POMT2: variants seen among roughly 807,000 people sequenced by gnomAD.
The protein encoded by POMT2 is protein O-mannosyl-transferase 2.
POMT2 carries 75 observed loss-of-function variants against 100.0 expected under a neutral mutation model. The observed-to-expected ratio is 0.75, with a 90% CI of 0.62 to 0.91. The LOEUF (loss-of-function observed/expected upper bound fraction) is 0.91. Among genes scored for constraint, POMT2 ranks in the 40% least tolerant of loss-of-function variants. POMT2 has a pLI of 0.00. For synonymous variants in POMT2, 378 were observed against 374.1 expected (o/e 1.01, Z -0.12); for missense variants, 940 against 955.1 (o/e 0.98, Z 0.21).
Position 77,285,008 on chromosome 14 carries a change from T to C in POMT2, c.1518A>G (p.Pro506=), listed in dbSNP as rs1380319239. The C allele has an allele frequency of 7.4e-6, 12 of 1,613,408 alleles. No homozygotes were observed. The highest frequency in any genetic ancestry group is 1.3e-5 in the African/African-American group (1 of 74,896). ...GWEQLEVTCT[P]YLKETLNSIW... is the part of the protein sequence containing the mutation. ...TGGAGTTGAGGGTTTCTTTCAGGTA[T>C]GGGGTGCAAGTAACTTCCAACTGCT... The change falls in exon 14 of 21, where the codon CCA becomes CCG. Residue 506 remains proline (P), a synonymous_variant. Transcript: ENST00000261534.
chr14:77,320,529 G>C lies in POMT2; in HGVS notation c.153C>G (p.Arg51=). 6.4e-7 allele frequency: 1 copy of C among 1,557,906 alleles called. No homozygotes were observed. The highest frequency in any genetic ancestry group is 8.6e-7 in the Non-Finnish European group (1 of 1,156,942). The change falls in exon 1 of 21, where the codon CGC becomes CGG. Residue 51 remains arginine (R), a synonymous_variant. Transcript: ENST00000261534. ...GGGCCCACCAGCCGACCGCCTCGAA[G>C]CGCCGTGAGCCCCAAGCAGGCCGTT... is the stretch of plus-strand genomic sequence containing the variant. ...SPKRPAWGSR[R]FEAVGWWALL...
At chr14:77,290,742 C>A (rs909574884) in intron 10 of POMT2, among the ~76,000 whole-genome samples, 2 of 152,210 alleles carry the variant, frequency 1.3e-5, no homozygotes, top group East Asian at 1.9e-4. Flanking sequence ...TGCTTCAGAG[C>A]GCCTTCACCC....
chr14:77,284,123 C>T (rs1455983204), intron 14 of POMT2: 1 of 513,768 alleles, frequency 1.9e-6, no homozygotes, highest in African/African-American at 1.9e-5. Context: ...CCAACAGCTC[C>T]CAGCACCATT....
chr14:77,285,770 G>A lies in POMT2; in HGVS notation c.1333-138C>T, dbSNP rs1291542991. 1.1e-5 allele frequency: 11 copies of A among 1,047,512 alleles called. No homozygotes were observed. The East Asian group carries it at 2.1e-4, about 20-fold the overall frequency. The allele number at this position is 1,047,512 out of a possible 1,614,324, so 64.9% of individuals were successfully genotyped here. ...AAATTAGGCTCAATGATAGAGATGG[G>A]CAAGGTTACAAGAAGGCCAAAGAAA... On this transcript the variant is annotated intron_variant, in intron 12 of 20. Coordinates refer to ENST00000261534, the MANE Select transcript of POMT2 (RefSeq NM_013382.7).
Position 77,304,688 on chromosome 14 carries a change from T to C in POMT2, c.547+4A>G. On this transcript the variant is annotated splice_donor_region_variant and intron_variant, in intron 4 of 20. Transcript: ENST00000261534. ...AAAGCCATGGTATGGCTAAGACAAC[T>C]TACCAAAGGTGAGGAGGGCAGCTGT... 1 of 1,578,688 alleles carries C rather than the reference T, an allele frequency of 6.3e-7. No individual in the cohort carries two copies. The highest frequency in any genetic ancestry group is 8.6e-7 in the Non-Finnish European group (1 of 1,162,976).
intron 6 of POMT2, chr14:77,300,837 A>G (rs1008512284): frequency 2.3e-4 from 108 of 477,220 alleles, no homozygotes; most frequent in Non-Finnish European, 3.6e-4. Context: ...AAAAAAAGAC[A>G]GACATTATAA....
At chr14:77,305,981 G>T (rs1160296425) in intron 3 of POMT2, among the ~76,000 whole-genome samples, 1 of 152,222 alleles carries the variant, frequency 6.6e-6, no homozygotes, top group African/African-American at 2.4e-5. Flanking sequence ...GGAGCAGGCA[G>T]CGTGCCAGTG....
At chr14:77,316,549 G>A (rs1566664169) in intron 1 of POMT2, among the ~76,000 whole-genome samples, 3 of 128,272 alleles carry the variant, frequency 2.3e-5, no homozygotes, top group Non-Finnish European at 3.1e-5. Context: ...CTGGGCAACA[G>A]AGTCAGATCT....
At chr14:77,306,900 A>G in intron 2 of POMT2, 1 of 205,796 alleles carries the variant, frequency 4.9e-6, no homozygotes, top group Admixed American at 5.3e-5. Context: ...CCAGGAATAG[A>G]GACAAGAGAA....
intron 2 of POMT2, among the ~76,000 whole-genome samples, chr14:77,309,888 G>C (rs757184520): frequency 1.2e-4 from 18 of 152,082 alleles, no homozygotes; most frequent in Admixed American, 8.5e-4. Context: ...ACGTTGGCCA[G>C]GCTGGGCTCG....
intron 15 of POMT2, among the ~76,000 whole-genome samples, chr14:77,281,138 A>G (rs1890216242): frequency 7.6e-6 from 1 of 132,040 alleles, no homozygotes; most frequent in Non-Finnish European, 1.8e-5. Flanking sequence ...AAATAAATAA[A>G]TAATAAGGCT....
At chr14:77,288,455 G>A (rs968137458) in intron 11 of POMT2, among the ~76,000 whole-genome samples, 2 of 152,140 alleles carry the variant, frequency 1.3e-5, no homozygotes, top group African/African-American at 4.8e-5. Flanking sequence ...AGGATCGCTT[G>A]AGCCCAGGAC....
intron 18 of POMT2, 29 bp from the exon 19 acceptor site, chr14:77,278,898 A>G (rs1219811084): frequency 6.2e-7 from 1 of 1,609,570 alleles, no homozygotes; most frequent in Admixed American, 1.7e-5. Flanking sequence ...GCCCAGTCAG[A>G]AGACAAGGAG....
Position 77,294,792 on chromosome 14 carries a change from GTATGTCTT to G in POMT2, c.1116+1364_1116+1371del, listed in dbSNP as rs1890765726. Among the ~76,000 whole-genome samples, 3 of 152,278 alleles carry G rather than the reference GTATGTCTT, an allele frequency of 2.0e-5. No homozygotes were observed. In the South Asian group the frequency reaches 6.2e-4, roughly 32 times the overall value. The stretch of plus-strand genomic sequence containing the variant: ...TCTTTTGTAAATTGCCCAGTCTCAG[GTATGTCTT>G]TATCAGCAGCATGAAATTGCACTAA... On this transcript the variant is annotated intron_variant, in intron 9 of 20. Transcript: ENST00000261534.
At chr14:77,311,510 G>A (rs184706546) in intron 2 of POMT2, among the ~76,000 whole-genome samples, 1 of 152,272 alleles carries the variant, frequency 6.6e-6, no homozygotes, top group Admixed American at 6.5e-5. Context: ...CCTGCCCTGA[G>A]ATCCTGGCAA....
At position 77,279,923 on chromosome 14, in the gene POMT2, A is replaced by G. The variant is rs780261784; in HGVS notation, c.1791T>C (p.Val597=). Residue 597 remains valine (V), a synonymous_variant, in exon 18 of 21, where the codon GTT becomes GTC. Coordinates refer to ENST00000261534, the MANE Select transcript of POMT2 (RefSeq NM_013382.7). ...CGATGCTCAACAGATTCAGCCACCA[A>G]ACCACCTGTGCAGAAATGGGAATGG... The part of the protein sequence containing the change: ...FRVYLLGNPV[V]WWLNLLSIAL... 1 of 1,614,162 alleles carries G rather than the reference A, an allele frequency of 6.2e-7. No individual in the cohort carries two copies. The highest frequency in any genetic ancestry group is 8.5e-7 in the Non-Finnish European group (1 of 1,180,018).
At chr14:77,289,391 C>CA (rs1053353458) in intron 10 of POMT2, among the ~76,000 whole-genome samples, 5 of 83,258 alleles carry the variant, frequency 6.0e-5, no homozygotes, top group African/African-American at 1.9e-4. Context: ...ACTCTGTCTC[C>CA]AAAAAAAAAG....
intron 15 of POMT2, among the ~76,000 whole-genome samples, chr14:77,283,292 T>C (rs1391611646): frequency 2.0e-5 from 3 of 152,250 alleles, no homozygotes. Context: ...TATCTCATGA[T>C]CTTCAACCAA....
intron 20 of POMT2, among the ~76,000 whole-genome samples, chr14:77,278,107 T>C (rs1217528827): frequency 6.6e-6 from 1 of 152,184 alleles, no homozygotes; most frequent in Non-Finnish European, 1.5e-5. Context: ...ACAGAGTCAC[T>C]GTCACTAGAG....
Sources: gnomAD v4.1 joint callset for allele counts (sites outside exome capture counted in the v4.1 genomes callset) on GRCh38, gnomAD v4.1.1 for gene constraint, MANE v1.5 for transcripts, NCBI Gene and HGNC (gene_info 2026-07-23, HGNC 2026-07-21) for gene names.